The following KCNQ3 variants were observed in gnomAD, a reference collection of about 807,000 sequenced individuals.
KCNQ3 encodes the protein potassium voltage-gated channel subfamily KQT member 3.
Under a neutral mutation model 92.5 loss-of-function variants are expected in KCNQ3, and 30 were observed. The ratio of observed to expected loss-of-function variants is 0.32; its 90% CI spans 0.24 to 0.44. KCNQ3 has a LOEUF of 0.44. Ranked by LOEUF, KCNQ3 falls within the 20% of genes least tolerant of loss-of-function variation. KCNQ3 has a pLI of 1.00. For missense variants in KCNQ3, 913 were observed against 1,140.3 expected (o/e 0.80, Z 2.87); for synonymous variants, 450 against 468.8 (o/e 0.96, Z 0.52).
intron 1 of KCNQ3, among the ~76,000 whole-genome samples, chr8:132,287,915 T>C (rs1334992963): frequency 6.6e-6 from 1 of 152,192 alleles, no homozygotes; most frequent in African/African-American, 2.4e-5. Context: ...ATGTACACTA[T>C]AAAATGGTGA....
chr8:132,364,212 G>A (rs1485724850), intron 1 of KCNQ3, among the ~76,000 whole-genome samples: 2 of 152,158 alleles, frequency 1.3e-5, no homozygotes, highest in Admixed American at 1.3e-4. Context: ...TTAGGACACA[G>A]GATGTGGTTA....
chr8:132,447,874 G>T (rs1024786352), intron 1 of KCNQ3, among the ~76,000 whole-genome samples: 1 of 152,150 alleles, frequency 6.6e-6, no homozygotes, highest in Non-Finnish European at 1.5e-5. Context: ...AAGTTACCAC[G>T]GCGTAAGTAC....
chr8:132,299,399 T>A (rs546890196), intron 1 of KCNQ3, among the ~76,000 whole-genome samples: 16 of 152,086 alleles, frequency 1.1e-4, no homozygotes, highest in Non-Finnish European at 1.9e-4. Context: ...TGTGGAGGTG[T>A]TTTCAGAGCA....
At chr8:132,368,103 T>A (rs1026652231) in intron 1 of KCNQ3, among the ~76,000 whole-genome samples, 1 of 152,250 alleles carries the variant, frequency 6.6e-6, no homozygotes, top group African/African-American at 2.4e-5. Context: ...AGTTCTCAGT[T>A]CTTGGAAACC....
intron 1 of KCNQ3, among the ~76,000 whole-genome samples, chr8:132,421,949 C>G (rs1253764273): frequency 1.3e-5 from 2 of 152,164 alleles, no homozygotes; most frequent in African/African-American, 2.4e-5. Context: ...CTCCCTTCCT[C>G]TTCTGGTGGG....
At chr8:132,250,817 G>A (rs1304318722) in intron 1 of KCNQ3, among the ~76,000 whole-genome samples, 1 of 152,008 alleles carries the variant, frequency 6.6e-6, no homozygotes, top group Non-Finnish European at 1.5e-5. Flanking sequence ...ACTCAAAGAG[G>A]GTGATCTCAA....
At chr8:132,165,135 T>C (rs534144623) in intron 8 of KCNQ3, among the ~76,000 whole-genome samples, 9 of 152,300 alleles carry the variant, frequency 5.9e-5, no homozygotes, top group African/African-American at 9.6e-5. Flanking sequence ...CTACACTCAC[T>C]GAACCCACTT....
intron 1 of KCNQ3, among the ~76,000 whole-genome samples, chr8:132,242,499 G>GAGCT (rs377663295): frequency 2.1e-4 from 32 of 152,288 alleles, no homozygotes; most frequent in African/African-American, 7.7e-4. Flanking sequence ...TTTGAACCTA[G>GAGCT]AGCTCTCTGA....
At chr8:132,335,260 C>T (rs1221716312) in intron 1 of KCNQ3, among the ~76,000 whole-genome samples, 2 of 152,058 alleles carry the variant, frequency 1.3e-5, no homozygotes, top group African/African-American at 4.8e-5. Context: ...AGCCTGGTCT[C>T]AATCTCTTGT....
At chr8:132,393,889 T>G (rs1820116348) in intron 1 of KCNQ3, among the ~76,000 whole-genome samples, 1 of 152,174 alleles carries the variant, frequency 6.6e-6, no homozygotes, top group Admixed American at 6.5e-5. Context: ...TGCAAAGTCA[T>G]GCTGAAGATG....
intron 1 of KCNQ3, among the ~76,000 whole-genome samples, chr8:132,290,408 G>A (rs555690604): frequency 2.0e-5 from 3 of 152,264 alleles, no homozygotes; most frequent in Admixed American, 6.5e-5. Flanking sequence ...CTCACTGAAC[G>A]TTGGTTTGGA....
At position 132,124,575 on chromosome 8, in the gene KCNQ3, C is replaced by T. The variant is rs146535969; in HGVS notation, c.*4687G>A. On this transcript the variant is annotated 3_prime_UTR_variant, in exon 15 of 15. Coordinates refer to ENST00000388996, the MANE Select transcript of KCNQ3 (RefSeq NM_004519.4). ...ACTAAAGCTATGCAGATAGCCTGGT[C>T]CTAACATGTTCTAAACTGGGCATTA... 1.3e-5 allele frequency: 2 copies of T among 152,342 alleles called. No homozygotes were observed. The highest frequency in any genetic ancestry group is 2.9e-5 in the Non-Finnish European group (2 of 68,042). 9.4% of individuals were successfully genotyped at this position (152,342 alleles called of 1,614,324 possible). A position where few individuals can be genotyped will look rare whatever the true frequency, so the allele number is the denominator to read the frequency against.
intron 1 of KCNQ3, among the ~76,000 whole-genome samples, chr8:132,331,769 G>A (rs182935759): frequency 1.3e-5 from 2 of 152,270 alleles, no homozygotes; most frequent in East Asian, 1.9e-4. Context: ...CATTGCTGCT[G>A]CAGGAGAGGA....
chr8:132,164,014 TCA>T (rs1236253823), intron 8 of KCNQ3, among the ~76,000 whole-genome samples: 1 of 152,194 alleles, frequency 6.6e-6, no homozygotes, highest in Non-Finnish European at 1.5e-5. Context: ...GCTCAAGGGC[TCA>T]CAGTTAGGAG....
chr8:132,451,783 T>A (rs1170528372), intron 1 of KCNQ3, among the ~76,000 whole-genome samples: 1 of 152,180 alleles, frequency 6.6e-6, no homozygotes, highest in African/African-American at 2.4e-5. Context: ...ATTTAACTGA[T>A]GAGATGAGAT....
intron 1 of KCNQ3, among the ~76,000 whole-genome samples, chr8:132,316,249 A>G (rs758511295): frequency 2.6e-5 from 4 of 152,200 alleles, no homozygotes; most frequent in Non-Finnish European, 5.9e-5. Flanking sequence ...CTGAAGGATT[A>G]CATTTACATG....
At chr8:132,361,147 A>G (rs568201196) in intron 1 of KCNQ3, among the ~76,000 whole-genome samples, 16 of 152,364 alleles carry the variant, frequency 1.1e-4, no homozygotes, top group African/African-American at 3.8e-4. Flanking sequence ...AGCTAAGGCA[A>G]CAGTGAACAA....
intron 1 of KCNQ3, among the ~76,000 whole-genome samples, chr8:132,262,474 G>A (rs1463964126): frequency 2.0e-5 from 3 of 152,160 alleles, no homozygotes; most frequent in Non-Finnish European, 2.9e-5. Flanking sequence ...TCTCGATGAA[G>A]GTGTCAGGGA....
intron 2 of KCNQ3, among the ~76,000 whole-genome samples, chr8:132,184,664 C>A (rs1826906365): frequency 6.6e-6 from 1 of 152,128 alleles, no homozygotes; most frequent in African/African-American, 2.4e-5. Flanking sequence ...AATAGGTCAG[C>A]TTTAAAAGTC....
Sources: gnomAD v4.1 joint callset for allele counts (sites outside exome capture counted in the v4.1 genomes callset) on GRCh38, gnomAD v4.1.1 for gene constraint, MANE v1.5 for transcripts, NCBI Gene and HGNC (gene_info 2026-07-23, HGNC 2026-07-21) for gene names.